The following OR3A2 variants were observed in gnomAD, a reference collection of about 807,000 sequenced individuals.
The protein encoded by OR3A2 is olfactory receptor 3A2.
For synonymous variants in OR3A2, 126 were observed against 159.3 expected, an observed-to-expected ratio of 0.79 and a Z score of 1.57; for missense variants, 318 against 392.8, an observed-to-expected ratio of 0.81 and a Z score of 1.61.
At chr17:3,386,088 G>C (rs907596965) in intron 1 of OR3A2, 37 bp downstream of exon 1, 3 of 398,482 alleles carry the variant, frequency 7.5e-6, no homozygotes, top group Non-Finnish European at 1.3e-5. Context: ...GATCCGACGG[G>C]GCCCTCCGCT....
intron 2 of OR3A2, among the ~76,000 whole-genome samples, chr17:3,365,146 T>A (rs1375817592): frequency 1.3e-5 from 2 of 152,296 alleles, no homozygotes; most frequent in Non-Finnish European, 2.9e-5. Context: ...GAAAGTCTTA[T>A]AACACCTTGA....
rs61735160 is a variant in OR3A2, at chr17:3,386,253, C to T, written c.-403G>A. On this transcript the variant is annotated 5_prime_UTR_variant, in exon 1 of 5. An upstream start codon of the reference 5' UTR is lost. Coordinates refer to the OR3A2 transcript ENST00000573491. ...AGATGTACTTCTTCGTGGCTCTGGG[C>T]ATCACCGAGAGCTACCTCCTGGCGG... 15 of 398,626 alleles carry T rather than the reference C, an allele frequency of 3.8e-5. No homozygotes were observed. The highest frequency in any genetic ancestry group is 2.1e-4 in the African/African-American group (10 of 48,618). 24.7% of individuals were successfully genotyped at this position (398,626 alleles called of 1,614,324 possible).
At chr17:3,357,032 T>C (rs1236770781) in intron 2 of OR3A2, among the ~76,000 whole-genome samples, 1 of 151,786 alleles carries the variant, frequency 6.6e-6, no homozygotes, top group Non-Finnish European at 1.5e-5. Context: ...TTAATCCCTA[T>C]TTGAACATCT....
intron 1 of OR3A2, among the ~76,000 whole-genome samples, chr17:3,283,231 TTC>T (rs1157314087): frequency 1.9e-4 from 29 of 152,280 alleles, no homozygotes; most frequent in Non-Finnish European, 3.5e-4. Flanking sequence ...TTTCATATTT[TTC>T]TCTTTTTTTG....
At chr17:3,341,437 G>T (rs1203167341) in intron 2 of OR3A2, among the ~76,000 whole-genome samples, 1 of 152,108 alleles carries the variant, frequency 6.6e-6, no homozygotes, top group Non-Finnish European at 1.5e-5. Flanking sequence ...TTTCCTTCAG[G>T]AGCTCTTGTT....
exon 2 of OR3A2, chr17:3,278,412 A>C: frequency 6.2e-7 from 1 of 1,614,196 alleles, no homozygotes; most frequent in Non-Finnish European, 8.5e-7. Context: ...ACAGAAGTTG[A>C]GCGTGGACAT....
At chr17:3,373,506 T>C (rs926528559) in intron 2 of OR3A2, among the ~76,000 whole-genome samples, 5 of 152,226 alleles carry the variant, frequency 3.3e-5, no homozygotes, top group African/African-American at 1.2e-4. Context: ...AGAATTGTGA[T>C]ATTTTCCTGT....
intron 3 of OR3A2, among the ~76,000 whole-genome samples, chr17:3,319,053 A>G (rs977557657): frequency 6.6e-6 from 1 of 152,190 alleles, no homozygotes; most frequent in African/African-American, 2.4e-5. Context: ...TACCTGCTAC[A>G]TACACACCAA....
At chr17:3,306,273 T>C (rs2048999389) in intron 3 of OR3A2, among the ~76,000 whole-genome samples, 1 of 152,094 alleles carries the variant, frequency 6.6e-6, no homozygotes, top group Non-Finnish European at 1.5e-5. Context: ...TACCTTAGCC[T>C]CCCAAGTAGC....
At chr17:3,348,296 T>A (rs1366410276) in intron 2 of OR3A2, among the ~76,000 whole-genome samples, 1 of 152,128 alleles carries the variant, frequency 6.6e-6, no homozygotes, top group African/African-American at 2.4e-5. Context: ...TTGCTTTTGG[T>A]GTTTTAGACA....
chr17:3,348,563 C>A (rs376094156), intron 2 of OR3A2, among the ~76,000 whole-genome samples: 1 of 152,094 alleles, frequency 6.6e-6, no homozygotes, highest in East Asian at 1.9e-4. Context: ...ACTGATGTAC[C>A]TGAAAGTGAC....
intron 3 of OR3A2, among the ~76,000 whole-genome samples, chr17:3,306,561 G>A (rs1461960323): frequency 6.6e-6 from 1 of 151,868 alleles, no homozygotes; most frequent in East Asian, 1.9e-4. Context: ...TGTGGGGGGT[G>A]GGGTCCCTTT....
chr17:3,381,288 T>G (rs138155243), intron 2 of OR3A2, among the ~76,000 whole-genome samples: 4 of 151,598 alleles, frequency 2.6e-5, no homozygotes, highest in African/African-American at 9.7e-5. Context: ...TAGCATGGAG[T>G]TGAAGGCAGT....
At chr17:3,305,521 G>A (rs1374397077) in intron 3 of OR3A2, among the ~76,000 whole-genome samples, 1 of 152,156 alleles carries the variant, frequency 6.6e-6, no homozygotes, top group Non-Finnish European at 1.5e-5. Flanking sequence ...AATTAGGGAG[G>A]TAGAGATTAC....
Position 3,304,303 on chromosome 17 carries a change from T to C in OR3A2, c.-84-25150A>G, listed in dbSNP as rs191462661. Among the ~76,000 whole-genome samples, 20 of 152,324 alleles carry C rather than the reference T, an allele frequency of 1.3e-4. No homozygotes were observed. The East Asian group carries it at 3.9e-3, about 29-fold the overall frequency. The stretch of plus-strand genomic sequence containing the variant: ...CGGCGAAGACCCACCTGCAGGACTC[T>C]GGAGCTGTCTATCTGTGAAGCTCCC... On this transcript the variant is annotated intron_variant, in intron 3 of 4. Coordinates refer to the OR3A2 transcript ENST00000573491.
chr17:3,290,635 T>C (rs1028152836), intron 3 of OR3A2, among the ~76,000 whole-genome samples: 7 of 152,130 alleles, frequency 4.6e-5, no homozygotes, highest in Non-Finnish European at 1.0e-4. Flanking sequence ...GGGCAATGAG[T>C]CCTAAATGGG....
chr17:3,300,294 T>C (rs2855666), intron 3 of OR3A2, among the ~76,000 whole-genome samples: 73,225 of 152,002 alleles, frequency 0.48, 18,821 homozygotes, highest in East Asian at 0.96. Flanking sequence ...AGCAGTGGCT[T>C]ACGCCTGTAA....
At chr17:3,297,943 C>T (rs2048932897) in intron 3 of OR3A2, among the ~76,000 whole-genome samples, 1 of 151,580 alleles carries the variant, frequency 6.6e-6, no homozygotes, top group Non-Finnish European at 1.5e-5. Flanking sequence ...GTCTCTTCTC[C>T]CTTTATCTAG....
intron 2 of OR3A2, among the ~76,000 whole-genome samples, chr17:3,352,311 C>T (rs2049427682): frequency 6.6e-6 from 1 of 151,824 alleles, no homozygotes; most frequent in Non-Finnish European, 1.5e-5. Context: ...TGGAATATTA[C>T]TTAAAACATT....
Sources: allele counts gnomAD v4.1 joint callset (sites outside exome capture counted in the v4.1 genomes callset), GRCh38; gene constraint gnomAD v4.1.1; transcripts MANE v1.5; gene names NCBI Gene and HGNC (gene_info 2026-07-23, HGNC 2026-07-21).